Variants in LRRC28 observed in about 807,000 individuals in gnomAD.
The protein encoded by LRRC28 is leucine-rich repeat-containing protein 28.
In LRRC28, 39 loss-of-function variants were observed where a neutral mutation model predicts 45.7. The observed-to-expected ratio is 0.85, with a 90% CI of 0.66 to 1.12. The LOEUF is 1.12. Ranked by LOEUF, LRRC28 falls within the 50% of genes most tolerant of loss-of-function variation. The pLI is 0.00. For synonymous variants in LRRC28, 206 were observed against 178.8 expected, an observed-to-expected ratio of 1.15 and a Z score of -1.22; for missense variants, 435 against 438.5, an observed-to-expected ratio of 0.99 and a Z score of 0.07.
chr15:99,347,475 G>A (rs1956729486), intron 6 of LRRC28, among the ~76,000 whole-genome samples: 1 of 152,170 alleles, frequency 6.6e-6, no homozygotes. Context: ...CCAAAGTGCT[G>A]GGATTACAGG....
Position 99,293,593 on chromosome 15 carries a change from C to CCAAAAAAAAAAAAAAAAAAAAAAAAAA in LRRC28, c.385+5642_385+5643insCAAAAAAAAAAAAAAAAAAAAAAAAAA, listed in dbSNP as rs747700282. Among the ~76,000 whole-genome samples, 10 of 44,066 alleles carry CCAAAAAAAAAAAAAAAAAAAAAAAAAA rather than the reference C, an allele frequency of 2.3e-4. 1 individual carries two copies. Among genetic ancestry groups the CCAAAAAAAAAAAAAAAAAAAAAAAAAA allele is most frequent in the Non-Finnish European group, 3.5e-4 (8 of 22,726 alleles). 28.9% of individuals were successfully genotyped at this position (44,066 alleles called of 152,430 possible). On this transcript the variant is annotated intron_variant, in intron 5 of 9. Coordinates refer to ENST00000301981, the MANE Select transcript of LRRC28 (RefSeq NM_144598.5). Reference sequence around the variant, plus strand: ...GGGCAACAAGAACGAAACTCTGTCACAAAAAAAAAAAAAAAAAAAAAAAAA... The same window carrying CCAAAAAAAAAAAAAAAAAAAAAAAAAA: ...GGGCAACAAGAACGAAACTCTGTCACCAAAAAAAAAAAAAAAAAAAAAAAAAAAAAAAAAAAAAAAAAAAAAAAAAAA...
chr15:99,333,032 A>G (rs889513799), intron 5 of LRRC28, among the ~76,000 whole-genome samples: 3 of 152,174 alleles, frequency 2.0e-5, no homozygotes, highest in Admixed American at 1.3e-4. Flanking sequence ...CATGATGTGA[A>G]AGTAGGCTTG....
intron 9 of LRRC28, among the ~76,000 whole-genome samples, chr15:99,367,314 T>G (rs1002446019): frequency 1.3e-5 from 2 of 152,190 alleles, no homozygotes; most frequent in African/African-American, 4.8e-5. Context: ...GGGTAATTTA[T>G]AAAGAAAAGA....
chr15:99,370,859 G>A (rs1957465509), intron 9 of LRRC28, among the ~76,000 whole-genome samples: 1 of 152,136 alleles, frequency 6.6e-6, no homozygotes, highest in Admixed American at 6.5e-5. Context: ...AAAAGTCTTG[G>A]GAAGGACTCA....
At chr15:99,355,733 A>G (rs896027240) in intron 7 of LRRC28, 15 of 143,534 alleles carry the variant, frequency 1.0e-4, no homozygotes, top group African/African-American at 4.1e-4. Flanking sequence ...TTGTTTAATT[A>G]TGTAAGAAAA....
intron 5 of LRRC28, among the ~76,000 whole-genome samples, chr15:99,320,299 T>C (rs547456054): frequency 1.3e-5 from 2 of 152,340 alleles, no homozygotes; most frequent in South Asian, 2.1e-4. Context: ...CTTTAAGTTA[T>C]GGTCATTTGT....
chr15:99,379,109 G>A (rs554227734), intron 9 of LRRC28, among the ~76,000 whole-genome samples: 206 of 152,278 alleles, frequency 1.4e-3, no homozygotes, highest in African/African-American at 4.0e-3. Flanking sequence ...TTCAGAACGA[G>A]TGGTACTAGC....
At chr15:99,266,373 G>T (rs184087906) in intron 2 of LRRC28, among the ~76,000 whole-genome samples, 36 of 152,142 alleles carry the variant, frequency 2.4e-4, no homozygotes, top group Admixed American at 2.4e-3. Flanking sequence ...TGAACACCTA[G>T]CCAGGCATCG....
At chr15:99,374,152 A>G (rs924904737) in intron 9 of LRRC28, among the ~76,000 whole-genome samples, 2 of 152,072 alleles carry the variant, frequency 1.3e-5, no homozygotes, top group Admixed American at 6.5e-5. Context: ...TGAGATTTTC[A>G]TAAGAATTGC....
chr15:99,288,703 A>G (rs1240401359), intron 5 of LRRC28, among the ~76,000 whole-genome samples: 2 of 151,114 alleles, frequency 1.3e-5, no homozygotes, highest in Non-Finnish European at 2.9e-5. Context: ...TGTTTTTAAC[A>G]GAGTCTCACT....
At position 99,287,915 on chromosome 15, in the gene LRRC28, C is replaced by T. The variant is rs2082001246; in HGVS notation, c.349C>T (p.Arg117Ter). 4 of 1,613,628 alleles carry T rather than the reference C, an allele frequency of 2.5e-6. No homozygotes were observed. Among genetic ancestry groups the T allele is most frequent in the Admixed American group, 1.7e-5 (1 of 59,974 alleles). The stretch of plus-strand genomic sequence containing the variant: ...TCGTCTGAGAGCTTTACGTCATCTT[C>T]GATTAGCTAATAACCAACTGCAATT... Reference protein sequence around the residue: ...IGRLRALRHLRLANNQLQFLP... With the variant: ...IGRLRALRHL Residue 117 changes from arginine to a stop codon, truncating the protein, a stop_gained, in exon 5 of 10, where the codon CGA becomes TGA. Transcript: ENST00000301981. LOFTEE classifies it high-confidence loss of function.
chr15:99,318,411 G>A (rs1009777542), intron 5 of LRRC28, among the ~76,000 whole-genome samples: 13 of 151,954 alleles, frequency 8.6e-5, no homozygotes, highest in Non-Finnish European at 1.9e-4. Context: ...GTGTGAGGAG[G>A]CACCATTAAA....
At chr15:99,290,199 C>T (rs1187252285) in intron 5 of LRRC28, among the ~76,000 whole-genome samples, 1 of 150,582 alleles carries the variant, frequency 6.6e-6, no homozygotes, top group Non-Finnish European at 1.5e-5. Context: ...GCGGAGGTTG[C>T]AGTGAGCCGA....
At position 99,307,641 on chromosome 15, in the gene LRRC28, C is replaced by T. The variant is rs555961980; in HGVS notation, c.385+19690C>T. On this transcript the variant is annotated intron_variant, in intron 5 of 9. Coordinates refer to ENST00000301981, the MANE Select transcript of LRRC28 (RefSeq NM_144598.5). The stretch of plus-strand genomic sequence containing the variant: ...TTACCTTCTTCCTCATCTCATTTTT[C>T]TGCCTTCCCAGTTTATTTCTATCCT... Among the ~76,000 whole-genome samples the T allele has an allele frequency of 9.2e-5, 14 of 152,262 alleles. No individual in the cohort carries two copies. The South Asian group carries it at 2.7e-3, about 29-fold the overall frequency.
At chr15:99,256,191 C>G in intron 2 of LRRC28, 66 bp downstream of exon 2, 1 of 1,365,224 alleles carries the variant, frequency 7.3e-7, no homozygotes, top group South Asian at 1.5e-5. Context: ...GATACATTTA[C>G]ATACCCTAAG....
chr15:99,311,527 G>A (rs1955410035), intron 5 of LRRC28, among the ~76,000 whole-genome samples: 1 of 152,078 alleles, frequency 6.6e-6, no homozygotes, highest in Non-Finnish European at 1.5e-5. Context: ...CTATATTCTT[G>A]TATGTTTTCA....
intron 5 of LRRC28, chr15:99,320,744 T>G (rs901202838): frequency 1.1e-4 from 17 of 152,192 alleles, no homozygotes; most frequent in African/African-American, 3.9e-4. Context: ...AGGTAAGGCA[T>G]AGATTTGGTT....
At chr15:99,304,074 G>C (rs1955088014) in intron 5 of LRRC28, among the ~76,000 whole-genome samples, 1 of 152,194 alleles carries the variant, frequency 6.6e-6, no homozygotes, top group Admixed American at 6.5e-5. Flanking sequence ...TGACCTGTGG[G>C]CCAAGTCTAG....
intron 5 of LRRC28, among the ~76,000 whole-genome samples, chr15:99,318,209 A>G (rs940529391): frequency 3.9e-5 from 6 of 152,172 alleles, no homozygotes; most frequent in Non-Finnish European, 8.8e-5. Flanking sequence ...TAAAAGCATT[A>G]TATATACACG....
Sources: gnomAD v4.1 joint callset for allele counts (sites outside exome capture counted in the v4.1 genomes callset) on GRCh38, gnomAD v4.1.1 for gene constraint, MANE v1.5 for transcripts, NCBI Gene and HGNC (gene_info 2026-07-23, HGNC 2026-07-21) for gene names.